NLGN1: variants seen among roughly 807,000 people sequenced by gnomAD.
The protein encoded by NLGN1 is neuroligin 1.
Under a neutral mutation model 65.5 loss-of-function variants are expected in NLGN1, and 12 were observed. The ratio of observed to expected loss-of-function variants is 0.18; its 90% CI spans 0.12 to 0.30. The LOEUF (loss-of-function observed/expected upper bound fraction) is 0.30, where lower values mean the gene tolerates loss of function less well. Ranked by LOEUF, NLGN1 falls within the 10% of genes least tolerant of loss-of-function variation. NLGN1 has a pLI of 1.00. For synonymous variants in NLGN1, 350 were observed against 359.5 expected (o/e 0.97, Z 0.30); for missense variants, 750 against 1,007.1 (o/e 0.74, Z 3.46).
At chr3:173,409,919 C>T (rs542560774) in intron 1 of NLGN1, among the ~76,000 whole-genome samples, 3 of 152,152 alleles carry the variant, frequency 2.0e-5, no homozygotes, top group Admixed American at 1.3e-4. Context: ...TTTTAGGGAC[C>T]TGTAGGGGGG....
At chr3:174,038,934 C>T (rs2152485748) in intron 4 of NLGN1, among the ~76,000 whole-genome samples, 1 of 152,248 alleles carries the variant, frequency 6.6e-6, no homozygotes, top group South Asian at 2.1e-4. Context: ...ACCAGTGATG[C>T]TTAGCTATTT....
chr3:173,970,429 A>T (rs1314312930), intron 4 of NLGN1, among the ~76,000 whole-genome samples: 1 of 152,106 alleles, frequency 6.6e-6, no homozygotes, highest in Admixed American at 6.6e-5. Context: ...GGAGTATTGA[A>T]TCCAAATGCC....
At chr3:173,921,166 A>G (rs936921642) in intron 4 of NLGN1, among the ~76,000 whole-genome samples, 13 of 143,748 alleles carry the variant, frequency 9.0e-5, no homozygotes, top group Admixed American at 7.0e-4. Flanking sequence ...ATATATATGT[A>G]ATATATATTA....
At chr3:174,267,429 T>C (rs1262303864) in intron 4 of NLGN1, among the ~76,000 whole-genome samples, 1 of 152,162 alleles carries the variant, frequency 6.6e-6, no homozygotes, top group African/African-American at 2.4e-5. Flanking sequence ...AGGAAACAGA[T>C]ATCCAAACTA....
At chr3:173,891,799 A>G (rs889392957) in intron 4 of NLGN1, among the ~76,000 whole-genome samples, 2 of 152,210 alleles carry the variant, frequency 1.3e-5, no homozygotes, top group African/African-American at 2.4e-5. Context: ...CTAATGATAC[A>G]AGAAACTCTC....
At chr3:173,594,717 T>A (rs541887108) in intron 2 of NLGN1, among the ~76,000 whole-genome samples, 2 of 152,370 alleles carry the variant, frequency 1.3e-5, no homozygotes, top group East Asian at 3.9e-4. Flanking sequence ...AGTGCCCCGC[T>A]GCTGCAGCAA....
At chr3:174,278,026 A>C (rs959981420) in intron 5 of NLGN1, among the ~76,000 whole-genome samples, 2 of 152,020 alleles carry the variant, frequency 1.3e-5, no homozygotes, top group African/African-American at 2.4e-5. Flanking sequence ...AATGACATGC[A>C]GCACTTAACT....
chr3:173,615,628 C>T (rs1487145239), intron 3 of NLGN1, among the ~76,000 whole-genome samples: 3 of 151,914 alleles, frequency 2.0e-5, no homozygotes, highest in Non-Finnish European at 2.9e-5. Flanking sequence ...AAAATATGCA[C>T]ATCAGAATAA....
chr3:174,033,991 CTAAA>C (rs1252131555), intron 4 of NLGN1, among the ~76,000 whole-genome samples: 1 of 151,890 alleles, frequency 6.6e-6, no homozygotes, highest in African/African-American at 2.4e-5. Flanking sequence ...AAATAACTAA[CTAAA>C]TAAATAAACT....
intron 1 of NLGN1, among the ~76,000 whole-genome samples, chr3:173,400,876 A>C (rs992911195): frequency 4.6e-5 from 7 of 152,254 alleles, no homozygotes; most frequent in African/African-American, 1.7e-4. Context: ...AGTAACAGAA[A>C]ACTTGGCTAA....
chr3:174,212,277 T>A (rs991570356), intron 4 of NLGN1, among the ~76,000 whole-genome samples: 6 of 152,124 alleles, frequency 3.9e-5, no homozygotes, highest in South Asian at 2.1e-4. Context: ...TGCGGGGCCC[T>A]CCAAGCCCAC....
At chr3:174,171,648 C>G (rs7645938) in intron 4 of NLGN1, among the ~76,000 whole-genome samples, 13,998 of 152,156 alleles carry the variant, frequency 0.092, 1,276 homozygotes, top group African/African-American at 0.24. Flanking sequence ...AGCATTTTTA[C>G]AGAGTTGTCA....
intron 4 of NLGN1, among the ~76,000 whole-genome samples, chr3:173,960,053 G>A (rs1339554386): frequency 6.6e-6 from 1 of 151,876 alleles, no homozygotes; most frequent in Non-Finnish European, 1.5e-5. Flanking sequence ...TCAGATTTTG[G>A]ATCTTCTTTC....
intron 2 of NLGN1, among the ~76,000 whole-genome samples, chr3:173,599,999 TG>T (rs551942561): frequency 8.5e-4 from 129 of 152,132 alleles, no homozygotes; most frequent in Admixed American, 8.3e-3. Context: ...TGGGATCAAT[TG>T]GGGGGCATTT....
At chr3:173,814,822 A>C (rs933573727) in intron 4 of NLGN1, among the ~76,000 whole-genome samples, 2 of 152,160 alleles carry the variant, frequency 1.3e-5, no homozygotes, top group Non-Finnish European at 2.9e-5. Context: ...TAAACAAATC[A>C]TATAGTTTAC....
At chr3:173,987,777 A>C (rs1002204161) in intron 4 of NLGN1, among the ~76,000 whole-genome samples, 7 of 152,204 alleles carry the variant, frequency 4.6e-5, no homozygotes, top group Non-Finnish European at 8.8e-5. Context: ...ACTGTGGTTC[A>C]GTTGGACTTA....
intron 3 of NLGN1, among the ~76,000 whole-genome samples, chr3:173,634,021 T>G (rs1756172437): frequency 6.6e-6 from 1 of 152,140 alleles, no homozygotes; most frequent in East Asian, 1.9e-4. Context: ...AATTCTCTAC[T>G]AGAATAAAAA....
intron 4 of NLGN1, among the ~76,000 whole-genome samples, chr3:174,046,126 G>T (rs964997253): frequency 9.9e-5 from 15 of 152,160 alleles, no homozygotes; most frequent in African/African-American, 3.6e-4. Flanking sequence ...AAGGAGAATT[G>T]TACCAACTAT....
chr3:174,214,039 T>C (rs771018900), intron 4 of NLGN1, among the ~76,000 whole-genome samples: 53 of 152,170 alleles, frequency 3.5e-4, no homozygotes, highest in Non-Finnish European at 6.9e-4. Context: ...ACAATGTTAC[T>C]CAAAGAATTT....
Sources: gnomAD v4.1 joint callset for allele counts (sites outside exome capture counted in the v4.1 genomes callset) on GRCh38, gnomAD v4.1.1 for gene constraint, MANE v1.5 for transcripts, NCBI Gene and HGNC (gene_info 2026-07-23, HGNC 2026-07-21) for gene names.